The following USP34 variants were observed in gnomAD, a reference collection of about 807,000 sequenced individuals.
The protein encoded by USP34 is ubiquitin carboxyl-terminal hydrolase 34.
A neutral mutation model predicts 460.3 loss-of-function variants in USP34; 70 were observed. The ratio of observed to expected loss-of-function variants is 0.15; its 90% CI spans 0.13 to 0.19. USP34 has a LOEUF of 0.19. USP34 is among the 10% of genes least tolerant of loss of function. The pLI is 1.00. For missense variants in USP34, 3,985 were observed against 4,236.2 expected, an observed-to-expected ratio of 0.94 and a Z score of 1.65; for synonymous variants, 1,647 against 1,405.3, an observed-to-expected ratio of 1.17 and a Z score of -3.85.
At chr2:61,422,179 C>G (rs1345645993) in intron 1 of USP34, among the ~76,000 whole-genome samples, 2 of 152,168 alleles carry the variant, frequency 1.3e-5, no homozygotes. Flanking sequence ...TAAGATGAAG[C>G]AACCACTAAA....
intron 69 of USP34, among the ~76,000 whole-genome samples, chr2:61,209,245 TAAAC>T (rs984969395): frequency 2.0e-5 from 3 of 152,226 alleles, no homozygotes; most frequent in South Asian, 2.1e-4. Flanking sequence ...AGTTTCCACA[TAAAC>T]AATGTTGATT....
chr2:61,338,240 G>C (rs1033835245), intron 18 of USP34, among the ~76,000 whole-genome samples: 2 of 152,200 alleles, frequency 1.3e-5, no homozygotes, highest in Admixed American at 6.5e-5. Context: ...AGAATCGCTT[G>C]AATGCGGGAG....
At chr2:61,221,326 G>C (rs1362147141) in intron 66 of USP34, among the ~76,000 whole-genome samples, 176 bp downstream of exon 66, 1 of 152,182 alleles carries the variant, frequency 6.6e-6, no homozygotes, top group Admixed American at 6.5e-5. Flanking sequence ...GATGCTACAA[G>C]AATGTCTTTA....
At chr2:61,233,594 G>A (rs1310635539) in intron 57 of USP34, among the ~76,000 whole-genome samples, 1 of 152,268 alleles carries the variant, frequency 6.6e-6, no homozygotes, top group Non-Finnish European at 1.5e-5. Context: ...GGGAGGCAGA[G>A]GCAGGAGGAT....
chr2:61,383,280 G>T lies in USP34; in HGVS notation c.810C>A (p.Thr270=). The change falls in exon 6 of 80, where the codon ACC becomes ACA. Residue 270 remains threonine (T), a synonymous_variant. Transcript: ENST00000398571. Reference sequence around the variant, plus strand: ...TTTTATAAACTTACCTAATAACATAGGTCCTAAAAGGTATAATGTGCTGCA... The same window carrying T: ...TTTTATAAACTTACCTAATAACATATGTCCTAAAAGGTATAATGTGCTGCA... ...AVMQHIIPFR[T]YVIRYLCKLS... The T allele has an allele frequency of 6.3e-7, 1 of 1,598,488 alleles. No individual in the cohort carries two copies.
At position 61,350,280 on chromosome 2, in the gene USP34, A is replaced by T. The variant is rs778423439; in HGVS notation, c.1487T>A (p.Ile496Asn). 1.2e-6 allele frequency: 2 copies of T among 1,608,880 alleles called. No individual in the cohort carries two copies. The highest frequency in any genetic ancestry group is 3.4e-5 in the Admixed American group (2 of 59,142). Reference protein sequence around the residue: ...SSFASLLNTNIPIGNKKEEEE... With the variant: ...SSFASLLNTNNPIGNKKEEEE... ...CTAACCTTTCTTATTTCCAATGGGA[A>T]TATTAGTATTTAATAAAGATGCAAA... The change falls in exon 12 of 80, where the codon ATT (isoleucine) becomes AAT (asparagine). Residue 496 changes from isoleucine to asparagine, a missense_variant. This residue lies in a region of USP34 where 716 missense variants were observed against 626.2 expected (regional missense o/e 1.14). Transcript: ENST00000398571.
chr2:61,308,670 A>G (rs987273904), intron 27 of USP34, among the ~76,000 whole-genome samples: 1 of 152,204 alleles, frequency 6.6e-6, no homozygotes, highest in Non-Finnish European at 1.5e-5. Flanking sequence ...ACCCATCACA[A>G]TCATTGATAA....
In USP34 at chr2:61,188,144, G is replaced by C; in HGVS notation, c.10599C>G (p.Val3533=). 1 of 1,613,882 alleles carries C rather than the reference G, an allele frequency of 6.2e-7. No individual in the cohort carries two copies. The highest frequency in any genetic ancestry group is 8.5e-7 in the Non-Finnish European group (1 of 1,179,968). The change falls in exon 80 of 80, where the codon GTC becomes GTG. Residue 3533 remains valine, a synonymous_variant. Coordinates refer to ENST00000398571, the MANE Select transcript of USP34 (RefSeq NM_014709.4). ...TTCCTTTGCCAGATATCCTTGTGAC[G>C]ACATGGATTGTAGATTCAATGGTCC... ...LCRTIESTIH[V]VTRISGKGNQ...
At chr2:61,271,581 G>A (rs1294642477) in intron 41 of USP34, among the ~76,000 whole-genome samples, 2 of 151,650 alleles carry the variant, frequency 1.3e-5, no homozygotes, top group Non-Finnish European at 2.9e-5. Context: ...GAAGAAAGGA[G>A]GAATGCAAAA....
chr2:61,422,501 A>G (rs1694392213), intron 1 of USP34, among the ~76,000 whole-genome samples: 1 of 152,204 alleles, frequency 6.6e-6, no homozygotes, highest in South Asian at 2.1e-4. Context: ...AGAGTTCTCC[A>G]AACACACAGC....
In USP34 at chr2:61,331,366, G is replaced by C; in HGVS notation, c.2840C>G (p.Ala947Gly). The change falls in exon 20 of 80, where the codon GCA (alanine) becomes GGA (glycine). Residue 947 changes from alanine to glycine, a missense_variant. By Grantham distance (60) the Ala-to-Gly change is moderately conservative. Coordinates refer to ENST00000398571, the MANE Select transcript of USP34 (RefSeq NM_014709.4). Reference protein sequence around the residue: ...SYDTHWITMWAEKELNMMKLF... With the variant: ...SYDTHWITMWGEKELNMMKLF... ...CTTCATCATGTTCAGTTCTTTTTCT[G>C]CCCACCTGGCCCAAATAAAAGAAAA... The C allele has an allele frequency of 6.2e-7, 1 of 1,608,370 alleles. No individual in the cohort carries two copies. Among genetic ancestry groups the C allele is most frequent in the Non-Finnish European group, 8.5e-7 (1 of 1,177,612 alleles).
chr2:61,460,543 A>AG (rs1008863663), intron 1 of USP34, among the ~76,000 whole-genome samples: 1 of 152,176 alleles, frequency 6.6e-6, no homozygotes, highest in African/African-American at 2.4e-5. Context: ...TAAAATAATG[A>AG]GAAAAAAAAC....
At chr2:61,244,481 G>A (rs1199044026) in intron 51 of USP34, among the ~76,000 whole-genome samples, 1 of 152,062 alleles carries the variant, frequency 6.6e-6, no homozygotes, top group Admixed American at 6.6e-5. Context: ...TGGGGATGGT[G>A]GCAGGTACCT....
intron 29 of USP34, among the ~76,000 whole-genome samples, chr2:61,297,874 A>C (rs1690083684): frequency 6.6e-6 from 1 of 152,184 alleles, no homozygotes; most frequent in Non-Finnish European, 1.5e-5. Context: ...AAATCTTAGA[A>C]AGTTTCAAGG....
chr2:61,359,776 G>GTTGTT (rs1276993653), intron 10 of USP34, among the ~76,000 whole-genome samples: 3 of 130,098 alleles, frequency 2.3e-5, no homozygotes. Flanking sequence ...AAAGCCCACA[G>GTTGTT]TTGTTTTTTT....
chr2:61,208,701 T>A, intron 70 of USP34, 198 bp downstream of exon 70: 1 of 337,724 alleles, frequency 3.0e-6, no homozygotes, highest in Non-Finnish European at 5.4e-6. Flanking sequence ...ATGGAATTAC[T>A]ATGGAAAAAG....
At chr2:61,430,276 T>C (rs978959197) in intron 1 of USP34, among the ~76,000 whole-genome samples, 2 of 150,028 alleles carry the variant, frequency 1.3e-5, no homozygotes, top group African/African-American at 4.9e-5. Flanking sequence ...TGCTGGCACA[T>C]GCCCATAATC....
At chr2:61,195,366 T>TAAAAAA (rs34844512) in intron 75 of USP34, among the ~76,000 whole-genome samples, 1 of 140,206 alleles carries the variant, frequency 7.1e-6, no homozygotes, top group Admixed American at 7.0e-5. Flanking sequence ...TTTTAAAGGT[T>TAAAAAA]AAAAAAAAAA....
intron 5 of USP34, among the ~76,000 whole-genome samples, chr2:61,394,469 G>A (rs1693453198): frequency 6.7e-6 from 1 of 149,348 alleles, no homozygotes; most frequent in African/African-American, 2.5e-5. Flanking sequence ...GGTGAGGTGG[G>A]AGGATCACCT....
Sources: allele counts gnomAD v4.1 joint callset (sites outside exome capture counted in the v4.1 genomes callset), GRCh38; gene constraint gnomAD v4.1.1; regional missense constraint gnomAD v4.1.1; transcripts MANE v1.5; gene names NCBI Gene and HGNC (gene_info 2026-07-23, HGNC 2026-07-21).